The following NLGN1 variants were observed in gnomAD, a reference collection of about 807,000 sequenced individuals.
NLGN1 encodes the protein neuroligin-1.
Under a neutral mutation model 65.5 loss-of-function variants are expected in NLGN1, and 12 were observed. That is an observed-to-expected ratio of 0.18 (90% CI 0.12 to 0.30). NLGN1 has a LOEUF of 0.30. Among genes scored for constraint, NLGN1 ranks in the 10% least tolerant of loss-of-function variants. The pLI is 1.00. For synonymous variants in NLGN1, 350 were observed against 359.5 expected, an observed-to-expected ratio of 0.97 and a Z score of 0.30; for missense variants, 750 against 1,007.1, an observed-to-expected ratio of 0.74 and a Z score of 3.46.
chr3:173,997,896 G>T (rs1722580986), intron 4 of NLGN1, among the ~76,000 whole-genome samples: 1 of 151,984 alleles, frequency 6.6e-6, no homozygotes, highest in African/African-American at 2.4e-5. Context: ...ATCAGATTCA[G>T]GGCTAGAATT....
At chr3:173,711,081 A>G (rs886876957) in intron 3 of NLGN1, among the ~76,000 whole-genome samples, 3 of 152,204 alleles carry the variant, frequency 2.0e-5, no homozygotes, top group African/African-American at 7.2e-5. Flanking sequence ...AAGATCCATA[A>G]TTGGTCATAT....
chr3:173,500,528 C>G (rs1465872847), intron 2 of NLGN1, among the ~76,000 whole-genome samples: 1 of 151,914 alleles, frequency 6.6e-6, no homozygotes, highest in Admixed American at 6.6e-5. Context: ...TTTTGTGTGT[C>G]TGTGCCAGGC....
intron 4 of NLGN1, among the ~76,000 whole-genome samples, chr3:173,854,845 T>C (rs1367562982): frequency 6.6e-6 from 1 of 152,112 alleles, no homozygotes; most frequent in African/African-American, 2.4e-5. Context: ...CTTACATCTC[T>C]CATTACATCT....
At chr3:173,688,064 A>G (rs1180473245) in intron 3 of NLGN1, among the ~76,000 whole-genome samples, 1 of 152,222 alleles carries the variant, frequency 6.6e-6, no homozygotes, top group Admixed American at 6.5e-5. Flanking sequence ...ACAAAATTGT[A>G]TGTATTCAGT....
chr3:173,986,053 A>G (rs1719817361), intron 4 of NLGN1, among the ~76,000 whole-genome samples: 1 of 152,226 alleles, frequency 6.6e-6, no homozygotes, highest in Non-Finnish European at 1.5e-5. Context: ...AATGCCCAGT[A>G]CTTCACCGTG....
intron 2 of NLGN1, among the ~76,000 whole-genome samples, chr3:173,579,554 T>C (rs1746057566): frequency 6.6e-6 from 1 of 152,236 alleles, no homozygotes; most frequent in Admixed American, 6.5e-5. Flanking sequence ...CTCTATTCCA[T>C]GAAATATAAA....
intron 4 of NLGN1, among the ~76,000 whole-genome samples, chr3:174,272,708 T>TAGATATAG (rs1553987291): frequency 2.8e-5 from 4 of 143,328 alleles, no homozygotes; most frequent in Non-Finnish European, 6.2e-5. Flanking sequence ...GATAGATAGA[T>TAGATATAG]ATAGATAGAT....
chr3:174,200,698 C>A (rs1734289273), intron 4 of NLGN1, among the ~76,000 whole-genome samples: 1 of 152,188 alleles, frequency 6.6e-6, no homozygotes, highest in Non-Finnish European at 1.5e-5. Context: ...ACAATCTTTT[C>A]TTTTATATGC....
At chr3:174,222,915 C>A (rs1419614572) in intron 4 of NLGN1, among the ~76,000 whole-genome samples, 1 of 152,062 alleles carries the variant, frequency 6.6e-6, no homozygotes, top group Non-Finnish European at 1.5e-5. Flanking sequence ...TTTCTTTCTA[C>A]TTCTACTCTT....
chr3:173,422,559 A>G (rs1715296763), intron 1 of NLGN1, among the ~76,000 whole-genome samples: 1 of 152,206 alleles, frequency 6.6e-6, no homozygotes, highest in African/African-American at 2.4e-5. Context: ...CTGTTTTTCT[A>G]TAATGGCTGT....
chr3:173,424,333 C>A (rs890074285), intron 1 of NLGN1, among the ~76,000 whole-genome samples: 1 of 152,160 alleles, frequency 6.6e-6, no homozygotes, highest in Admixed American at 6.5e-5. Context: ...ACATTCAGCT[C>A]CTCCTTACTT....
chr3:173,412,783 A>G (rs621369), intron 1 of NLGN1, among the ~76,000 whole-genome samples: 91,305 of 151,988 alleles, frequency 0.6, 27,750 homozygotes, highest in East Asian at 0.78. Flanking sequence ...TGACAGCATC[A>G]GGCATATCCA....
In NLGN1 at chr3:173,592,622, A is replaced by T. The variant is rs533763962; in HGVS notation, c.-320-11657A>T. Among the ~76,000 whole-genome samples, 10 of 152,340 alleles carry T rather than the reference A, an allele frequency of 6.6e-5. No individual in the cohort carries two copies. The South Asian group carries it at 2.1e-3, about 32-fold the overall frequency. The stretch of plus-strand genomic sequence containing the variant: ...CCTTCACAGAGGTCAAGCATCACAG[A>T]TGGATAAATAAAATCTGAGGGTTGT... On this transcript the variant is annotated intron_variant, in intron 2 of 6. Coordinates refer to ENST00000457714, the Ensembl canonical transcript of NLGN1.
At position 173,762,965 on chromosome 3, in the gene NLGN1, TACACACAC is replaced by T. The variant is rs111427276; in HGVS notation, c.494-44687_494-44680del. ...TGGGATTGTGTAAATTTGTCTCTGA[TACACACAC>T]ACACACACACACACACACACACACA... On this transcript the variant is annotated intron_variant, in intron 3 of 6. Coordinates refer to ENST00000457714, the Ensembl canonical transcript of NLGN1. 3.2e-3 allele frequency among the ~76,000 whole-genome samples: 457 copies of T among 143,356 alleles called. 5 individuals carry two copies. Among genetic ancestry groups the T allele is most frequent in the African/African-American group, 0.011 (419 of 38,814 alleles). The allele number at this position is 143,356 out of a possible 152,430, so 94.0% of individuals were successfully genotyped here.
rs73184533 is a variant in NLGN1, at chr3:174,016,081, G to A, written c.646+208249G>A. Among the ~76,000 whole-genome samples, 1,403 of 152,186 alleles carry A rather than the reference G, an allele frequency of 9.2e-3. 5 individuals carry two copies. The highest frequency in any genetic ancestry group is 0.02 in the Middle Eastern group (6 of 294). On this transcript the variant is annotated intron_variant, in intron 4 of 6. Transcript: ENST00000457714. ...CCCAGAAATTAGAGTAGATAGTATTGGGTTCTAATAATGTGACTCACAAAA... is the reference window on the plus strand; with the variant it reads ...CCCAGAAATTAGAGTAGATAGTATTAGGTTCTAATAATGTGACTCACAAAA...
chr3:174,270,010 A>T (rs1331539321), intron 4 of NLGN1, among the ~76,000 whole-genome samples: 1 of 151,574 alleles, frequency 6.6e-6, no homozygotes, highest in African/African-American at 2.4e-5. Flanking sequence ...CCATTTTTTA[A>T]TTAGGTTATT....
At chr3:173,749,697 A>C (rs528178789) in intron 3 of NLGN1, among the ~76,000 whole-genome samples, 56 of 152,098 alleles carry the variant, frequency 3.7e-4, no homozygotes, top group Non-Finnish European at 6.3e-4. Flanking sequence ...TAACATATAC[A>C]CATACACATT....
At chr3:173,994,491 A>AAAAAAAAAAAAAAGAG (rs10688223) in intron 4 of NLGN1, among the ~76,000 whole-genome samples, 8 of 81,202 alleles carry the variant, frequency 9.9e-5, no homozygotes, top group Non-Finnish European at 1.5e-4. Context: ...AAAAAAAAAA[A>AAAAAAAAAAAAAAGAG]AGAGAGAGAG....
At chr3:173,449,891 C>CT (rs1405783624) in intron 2 of NLGN1, among the ~76,000 whole-genome samples, 1 of 152,004 alleles carries the variant, frequency 6.6e-6, no homozygotes, top group African/African-American at 2.4e-5. Flanking sequence ...CAACCCCTGC[C>CT]TTTTTTTGTT....
Sources: allele counts gnomAD v4.1 joint callset (sites outside exome capture counted in the v4.1 genomes callset), GRCh38; gene constraint gnomAD v4.1.1; transcripts MANE v1.5; gene names NCBI Gene and HGNC (gene_info 2026-07-23, HGNC 2026-07-21).